The following AKAP19 variants were observed in gnomAD, a reference collection of about 807,000 sequenced individuals.
AKAP19 encodes the protein small A-kinase anchoring protein.
At chr2:190,194,921 A>G in the AKAP19 span, among the ~76,000 whole-genome samples, 1 of 152,116 alleles carries the variant, frequency 6.6e-6, no homozygotes, top group African/African-American at 2.4e-5. Context: ...GGTGCAATCA[A>G]TCTTAACTTA....
the AKAP19 span, among the ~76,000 whole-genome samples, chr2:189,983,360 T>G: frequency 2.6e-5 from 4 of 152,148 alleles, no homozygotes; most frequent in African/African-American, 9.7e-5. Context: ...ATTACCAGGA[T>G]GCTGCCATTC....
the AKAP19 span, among the ~76,000 whole-genome samples, chr2:189,920,612 A>G: frequency 6.6e-6 from 1 of 152,200 alleles, no homozygotes; most frequent in Non-Finnish European, 1.5e-5. Flanking sequence ...ACCACTATTC[A>G]ATTTATACAT....
At chr2:190,090,610 A>T in the AKAP19 span, among the ~76,000 whole-genome samples, 1 of 152,182 alleles carries the variant, frequency 6.6e-6, no homozygotes, top group African/African-American at 2.4e-5. Flanking sequence ...GTTAGCTGCC[A>T]TAGCTAACTG....
the AKAP19 span, among the ~76,000 whole-genome samples, chr2:189,950,254 C>T: frequency 6.6e-6 from 1 of 150,934 alleles, no homozygotes; most frequent in Non-Finnish European, 1.5e-5. Flanking sequence ...TCTCGAACTC[C>T]TAACCTCAGA....
the AKAP19 span, among the ~76,000 whole-genome samples, chr2:190,198,970 C>T: frequency 1.3e-5 from 2 of 152,322 alleles, no homozygotes; most frequent in South Asian, 4.1e-4. Context: ...TTAATCTGAG[C>T]TTCTGTACAA....
the AKAP19 span, among the ~76,000 whole-genome samples, chr2:190,140,805 T>TG: frequency 6.6e-6 from 1 of 152,230 alleles, no homozygotes; most frequent in Non-Finnish European, 1.5e-5. Flanking sequence ...TCATTACCTA[T>TG]GCAAATTTCT....
the AKAP19 span, among the ~76,000 whole-genome samples, chr2:190,183,515 C>T: frequency 3.3e-5 from 5 of 152,128 alleles, no homozygotes; most frequent in Non-Finnish European, 4.4e-5. Context: ...GTCTTTTCCT[C>T]CACCCCTCAT....
the AKAP19 span, among the ~76,000 whole-genome samples, chr2:189,899,492 A>C: frequency 1.3e-5 from 2 of 152,178 alleles, no homozygotes; most frequent in African/African-American, 4.8e-5. Context: ...ATCTTGTCAG[A>C]AATGGGGTAA....
chr2:190,015,017 T>C, the AKAP19 span, among the ~76,000 whole-genome samples: 1 of 152,192 alleles, frequency 6.6e-6, no homozygotes, highest in Non-Finnish European at 1.5e-5. Context: ...CCAGCTGCTT[T>C]CACAGGCTGG....
At chr2:190,151,828 C>T in the AKAP19 span, among the ~76,000 whole-genome samples, 1 of 151,078 alleles carries the variant, frequency 6.6e-6, no homozygotes, top group Non-Finnish European at 1.5e-5. Context: ...ATAGTGACAT[C>T]TTATCTCTAC....
chr2:190,087,185 C>G, the AKAP19 span, among the ~76,000 whole-genome samples: 1 of 152,298 alleles, frequency 6.6e-6, no homozygotes, highest in East Asian at 1.9e-4. Context: ...CCTAGTCTTA[C>G]AAGTGGCAAC....
the AKAP19 span, among the ~76,000 whole-genome samples, chr2:189,938,713 A>G: frequency 6.6e-6 from 1 of 152,234 alleles, no homozygotes; most frequent in African/African-American, 2.4e-5. Context: ...CTAAAAGAGT[A>G]TAATTGGACT....
the AKAP19 span, among the ~76,000 whole-genome samples, chr2:189,994,942 G>A: frequency 2.0e-5 from 3 of 152,110 alleles, no homozygotes; most frequent in African/African-American, 7.2e-5. Flanking sequence ...AGTTTTGAGG[G>A]TTCCTTTTGG....
chr2:190,038,901 T>TTCTTCTTC, the AKAP19 span, among the ~76,000 whole-genome samples: 2,686 of 45,798 alleles, frequency 0.059, 261 homozygotes, highest in East Asian at 0.11. Context: ...TCTTTCTTTC[T>TTCTTCTTC]TTCTTCTTCT....
At chr2:190,007,759 G>A in the AKAP19 span, among the ~76,000 whole-genome samples, 3 of 152,102 alleles carry the variant, frequency 2.0e-5, no homozygotes, top group Admixed American at 2.0e-4. Flanking sequence ...TCAGGAGTTC[G>A]AGACCAGCCG....
chr2:189,904,900 T>A, the AKAP19 span, among the ~76,000 whole-genome samples: 1 of 152,026 alleles, frequency 6.6e-6, no homozygotes, highest in African/African-American at 2.4e-5. Flanking sequence ...CTGACAAGAA[T>A]ATTCGGAATG....
At chr2:190,025,430 T>C in the AKAP19 span, among the ~76,000 whole-genome samples, 1 of 152,198 alleles carries the variant, frequency 6.6e-6, no homozygotes, top group African/African-American at 2.4e-5. Flanking sequence ...TATGATAAAT[T>C]AAATTTACTC....
At chr2:190,100,821 A>T in the AKAP19 span, among the ~76,000 whole-genome samples, 4 of 152,308 alleles carry the variant, frequency 2.6e-5, no homozygotes, top group Admixed American at 2.0e-4. Context: ...GAATTGTGAA[A>T]GATACTCCAG....
the AKAP19 span, among the ~76,000 whole-genome samples, chr2:190,128,357 C>A: frequency 1.3e-5 from 2 of 152,142 alleles, no homozygotes; most frequent in Non-Finnish European, 2.9e-5. Flanking sequence ...ATGGTAATAA[C>A]CAAGAGTGTT....
Sources: allele counts gnomAD v4.1 joint callset (sites outside exome capture counted in the v4.1 genomes callset), GRCh38; gene constraint gnomAD v4.1.1; transcripts MANE v1.5; gene names NCBI Gene and HGNC (gene_info 2026-07-23, HGNC 2026-07-21).